The following MAML3 variants were observed in gnomAD, a reference collection of about 807,000 sequenced individuals.
MAML3 encodes the protein mastermind like transcriptional coactivator 3, also known as mastermind-like protein 3.
Under a neutral mutation model 101.9 loss-of-function variants are expected in MAML3, and 27 were observed. The ratio of observed to expected loss-of-function variants is 0.27; its 90% CI spans 0.20 to 0.37. MAML3 has a LOEUF of 0.37. MAML3 is among the 10% of genes least tolerant of loss of function. The pLI, the probability that MAML3 is intolerant of heterozygous loss-of-function variation, is 1.00. For missense variants in MAML3, 1,316 were observed against 1,444.9 expected (o/e 0.91, Z 1.45); for synonymous variants, 501 against 555.9 (o/e 0.90, Z 1.39).
chr4:140,149,824 C>T (rs1334298790), intron 1 of MAML3, among the ~76,000 whole-genome samples: 14 of 152,094 alleles, frequency 9.2e-5, no homozygotes, highest in Non-Finnish European at 2.9e-5. Flanking sequence ...TCTTTACAAC[C>T]TCTATTTTTG....
chr4:140,121,193 G>A (rs888797277), intron 1 of MAML3, among the ~76,000 whole-genome samples: 1 of 152,178 alleles, frequency 6.6e-6, no homozygotes, highest in Non-Finnish European at 1.5e-5. Context: ...AGTGGTATCC[G>A]AAGCAGAGAC....
intron 2 of MAML3, among the ~76,000 whole-genome samples, chr4:139,826,447 G>A (rs756686765): frequency 6.6e-6 from 1 of 152,170 alleles, no homozygotes; most frequent in Non-Finnish European, 1.5e-5. Context: ...TTATGAACAC[G>A]AATCGCATAA....
intron 1 of MAML3, among the ~76,000 whole-genome samples, chr4:139,925,936 G>A (rs2111239705): frequency 6.6e-6 from 1 of 152,266 alleles, no homozygotes; most frequent in Middle Eastern, 3.4e-3. Context: ...AGAAGAAAGA[G>A]GAGGACGGAG....
intron 1 of MAML3, among the ~76,000 whole-genome samples, chr4:139,954,111 T>C (rs1733876239): frequency 6.6e-6 from 1 of 152,200 alleles, no homozygotes; most frequent in Non-Finnish European, 1.5e-5. Flanking sequence ...CTGTTCTCAT[T>C]TGTCCATGTG....
At chr4:140,064,772 TTCTC>T (rs1329824858) in intron 1 of MAML3, among the ~76,000 whole-genome samples, 1 of 152,156 alleles carries the variant, frequency 6.6e-6, no homozygotes, top group African/African-American at 2.4e-5. Flanking sequence ...AAATCACCAC[TTCTC>T]TCTCCTGACC....
intron 2 of MAML3, among the ~76,000 whole-genome samples, chr4:139,816,707 G>A (rs1730898846): frequency 6.6e-6 from 1 of 152,088 alleles, no homozygotes; most frequent in African/African-American, 2.4e-5. Flanking sequence ...TGCCTACTAA[G>A]TGTAGGTCTT....
At chr4:139,961,476 T>C (rs570645695) in intron 1 of MAML3, among the ~76,000 whole-genome samples, 1 of 152,294 alleles carries the variant, frequency 6.6e-6, no homozygotes, top group African/African-American at 2.4e-5. Flanking sequence ...ACCCAGTCAA[T>C]TCCATCATCC....
At chr4:139,796,424 C>A (rs1202028748) in intron 2 of MAML3, among the ~76,000 whole-genome samples, 2 of 152,170 alleles carry the variant, frequency 1.3e-5, no homozygotes, top group East Asian at 3.8e-4. Flanking sequence ...GCAGTAGATT[C>A]TGAAATGAAG....
chr4:140,032,169 T>C (rs1726918619), intron 1 of MAML3, among the ~76,000 whole-genome samples: 1 of 152,208 alleles, frequency 6.6e-6, no homozygotes, highest in South Asian at 2.1e-4. Flanking sequence ...AGATTTAGAT[T>C]GATGGTTCTA....
At chr4:140,024,227 AT>A (rs772311062) in intron 1 of MAML3, among the ~76,000 whole-genome samples, 2,127 of 139,776 alleles carry the variant, frequency 0.015, 15 homozygotes, top group African/African-American at 0.027. Flanking sequence ...GGATTGATTG[AT>A]TTTTTTTTTT....
chr4:139,856,084 A>C (rs1288452941), intron 2 of MAML3, among the ~76,000 whole-genome samples: 1 of 152,148 alleles, frequency 6.6e-6, no homozygotes. Flanking sequence ...CTATCTCCAC[A>C]AGAGACTAAA....
At chr4:139,722,821 A>T (rs956731571) in intron 4 of MAML3, among the ~76,000 whole-genome samples, 10 of 152,210 alleles carry the variant, frequency 6.6e-5, no homozygotes, top group Non-Finnish European at 1.2e-4. Context: ...CTTATTTTTC[A>T]GTTTGCTATT....
intron 1 of MAML3, among the ~76,000 whole-genome samples, chr4:140,150,430 G>A (rs1560909385): frequency 6.6e-6 from 1 of 152,144 alleles, no homozygotes; most frequent in African/African-American, 2.4e-5. Flanking sequence ...CCCAAACACC[G>A]AAAGTTTCTG....
intron 2 of MAML3, among the ~76,000 whole-genome samples, chr4:139,875,583 T>C (rs1318920677): frequency 6.6e-6 from 1 of 152,102 alleles, no homozygotes; most frequent in Non-Finnish European, 1.5e-5. Context: ...GACATGTTAA[T>C]AGGGGGTCAG....
At chr4:139,985,675 T>C (rs1249400441) in intron 1 of MAML3, among the ~76,000 whole-genome samples, 2 of 152,244 alleles carry the variant, frequency 1.3e-5, no homozygotes, top group African/African-American at 4.8e-5. Flanking sequence ...TAAGATTCTG[T>C]GCTGTTTAGG....
At position 140,028,895 on chromosome 4, in the gene MAML3, T is replaced by C. The variant is rs1487260150; in HGVS notation, c.468+123965A>G. On this transcript the variant is annotated intron_variant, in intron 1 of 4. Transcript: ENST00000509479. The stretch of plus-strand genomic sequence containing the variant: ...TTCATGCTCTCCTGTGAGAGTCCTA[T>C]AGACAGACTTGATTTACTTTCAGCT... Among the ~76,000 whole-genome samples the C allele has an allele frequency of 3.3e-5, 5 of 152,354 alleles. No individual in the cohort carries two copies. In the South Asian group the frequency reaches 8.3e-4, roughly 25 times the overall value.
At chr4:140,116,677 G>A (rs1052103267) in intron 1 of MAML3, among the ~76,000 whole-genome samples, 10 of 152,198 alleles carry the variant, frequency 6.6e-5, no homozygotes, top group African/African-American at 2.2e-4. Flanking sequence ...TAAGGCTGGT[G>A]TATACCCTAC....
chr4:139,842,937 C>G (rs180768569), intron 2 of MAML3, among the ~76,000 whole-genome samples: 1 of 151,916 alleles, frequency 6.6e-6, no homozygotes, highest in East Asian at 1.9e-4. Flanking sequence ...GCCACCATGC[C>G]TGGCTAAGTT....
rs568373270 is a variant in MAML3 at position 140,143,622 on chromosome 4, G to A, written c.468+9238C>T. Among the ~76,000 whole-genome samples the A allele has an allele frequency of 1.8e-4, 27 of 152,252 alleles. No homozygotes were observed. The East Asian group carries it at 4.1e-3, about 23-fold the overall frequency. The stretch of plus-strand genomic sequence containing the variant: ...CTAAAAATACAAAAATTAGCCGGGC[G>A]TGGTGGCGGGTGCCTGTAATCCCAG... On this transcript the variant is annotated intron_variant, in intron 1 of 4. Transcript: ENST00000509479.
Sources: allele counts gnomAD v4.1 joint callset (sites outside exome capture counted in the v4.1 genomes callset), GRCh38; gene constraint gnomAD v4.1.1; transcripts MANE v1.5; gene names NCBI Gene and HGNC (gene_info 2026-07-23, HGNC 2026-07-21).